Variants in ALCAM observed in about 807,000 individuals in gnomAD.
ALCAM encodes the protein activated leukocyte cell adhesion molecule.
ALCAM carries 30 observed loss-of-function variants against 70.9 expected under a neutral mutation model. The observed-to-expected ratio is 0.42, with a 90% confidence interval of 0.32 to 0.57. The LOEUF (loss-of-function observed/expected upper bound fraction) is 0.57, where lower values mean the gene tolerates loss of function less well. ALCAM is among the 20% of genes least tolerant of loss of function. ALCAM has a pLI of 0.11. For synonymous variants in ALCAM, 249 were observed against 242.5 expected (o/e 1.03, Z -0.25); for missense variants, 591 against 695.1 (o/e 0.85, Z 1.68).
intron 1 of ALCAM, among the ~76,000 whole-genome samples, chr3:105,443,048 A>G (rs951061748): frequency 6.6e-6 from 1 of 152,074 alleles, no homozygotes; most frequent in African/African-American, 2.4e-5. Context: ...CTAGTCTCAA[A>G]CTGCTACCCT....
chr3:105,490,284 C>G (rs1039177678), intron 1 of ALCAM, among the ~76,000 whole-genome samples: 2 of 152,148 alleles, frequency 1.3e-5, no homozygotes, highest in Non-Finnish European at 2.9e-5. Flanking sequence ...TCAGTTGATG[C>G]CTTGTACTAG....
chr3:105,482,410 C>G (rs1938299165), intron 1 of ALCAM, among the ~76,000 whole-genome samples: 2 of 152,062 alleles, frequency 1.3e-5, no homozygotes, highest in African/African-American at 4.8e-5. Flanking sequence ...ATTCCTGGCC[C>G]TTAATTCATA....
At chr3:105,535,899 G>T (rs1284660044) in intron 6 of ALCAM, among the ~76,000 whole-genome samples, 2 of 151,858 alleles carry the variant, frequency 1.3e-5, no homozygotes, top group African/African-American at 4.8e-5. Flanking sequence ...TCTTTTTTTG[G>T]TTCCCTAGGG....
chr3:105,403,135 C>T (rs1171452267), intron 1 of ALCAM, among the ~76,000 whole-genome samples: 5 of 151,818 alleles, frequency 3.3e-5, no homozygotes, highest in South Asian at 4.2e-4. Flanking sequence ...TCAGTAGAGA[C>T]GGGGTTTCCC....
At chr3:105,534,960 C>G in intron 6 of ALCAM, 115 bp downstream of exon 6, 1 of 1,011,258 alleles carries the variant, frequency 9.9e-7, no homozygotes, top group Admixed American at 2.9e-5. Flanking sequence ...CCAGTCTGCA[C>G]CCCAAATTGA....
intron 1 of ALCAM, among the ~76,000 whole-genome samples, chr3:105,481,295 A>G (rs1938264626): frequency 6.6e-6 from 1 of 152,138 alleles, no homozygotes; most frequent in Non-Finnish European, 1.5e-5. Context: ...ACTATAGACT[A>G]TAATCAACTT....
chr3:105,371,407 G>A (rs1455931156), intron 1 of ALCAM, among the ~76,000 whole-genome samples: 4 of 152,010 alleles, frequency 2.6e-5, no homozygotes, highest in Middle Eastern at 3.4e-3. Flanking sequence ...TAAGTAAAAC[G>A]TGCTATATTA....
chr3:105,395,505 T>C (rs1420403552), intron 1 of ALCAM, among the ~76,000 whole-genome samples: 1 of 152,054 alleles, frequency 6.6e-6, no homozygotes, highest in Non-Finnish European at 1.5e-5. Flanking sequence ...GTGATTCTTT[T>C]ACATCAGCTC....
intron 1 of ALCAM, among the ~76,000 whole-genome samples, chr3:105,443,149 G>A (rs924861577): frequency 1.1e-4 from 16 of 152,130 alleles, no homozygotes; most frequent in African/African-American, 3.9e-4. Context: ...TATTTTGGGT[G>A]CACCCTTTAT....
intron 1 of ALCAM, among the ~76,000 whole-genome samples, chr3:105,432,925 C>T (rs1936969374): frequency 1.3e-5 from 2 of 152,080 alleles, no homozygotes; most frequent in African/African-American, 4.8e-5. Context: ...CATATATTAA[C>T]CAGCTTCATA....
chr3:105,428,409 A>G (rs1349965119), intron 1 of ALCAM, among the ~76,000 whole-genome samples: 3 of 151,968 alleles, frequency 2.0e-5, no homozygotes, highest in Admixed American at 1.3e-4. Context: ...CATCTTTCTA[A>G]TATATCATAA....
intron 1 of ALCAM, among the ~76,000 whole-genome samples, chr3:105,506,496 A>G (rs2200473): frequency 0.13 from 19,851 of 152,264 alleles, 1,357 homozygotes; most frequent in Middle Eastern, 0.17. Context: ...ATTCATAACA[A>G]AATGAGATTC....
chr3:105,526,552 G>T (rs1177779131), intron 3 of ALCAM, among the ~76,000 whole-genome samples: 1 of 152,086 alleles, frequency 6.6e-6, no homozygotes, highest in African/African-American at 2.4e-5. Flanking sequence ...TGCATTCCAG[G>T]CTGTGGGCCA....
At chr3:105,476,870 A>C (rs527630409) in intron 1 of ALCAM, among the ~76,000 whole-genome samples, 2 of 152,124 alleles carry the variant, frequency 1.3e-5, no homozygotes, top group South Asian at 4.2e-4. Context: ...TATCTCCCAG[A>C]ATTTCCATGT....
At chr3:105,454,142 T>A (rs894075934) in intron 1 of ALCAM, among the ~76,000 whole-genome samples, 4 of 152,246 alleles carry the variant, frequency 2.6e-5, no homozygotes, top group Admixed American at 6.5e-5. Context: ...TTATAATTTT[T>A]AAAAATATAA....
chr3:105,545,408 G>A, intron 9 of ALCAM, 73 bp downstream of exon 9: 1 of 1,006,654 alleles, frequency 9.9e-7, no homozygotes, highest in Non-Finnish European at 1.6e-6. Flanking sequence ...ACTTTATATT[G>A]TATTCAAGTA....
At chr3:105,513,924 T>G (rs1939309940) in intron 1 of ALCAM, among the ~76,000 whole-genome samples, 1 of 151,950 alleles carries the variant, frequency 6.6e-6, no homozygotes, top group South Asian at 2.1e-4. Context: ...ATTGTTATAA[T>G]AAAAATTGAG....
At chr3:105,466,439 A>G (rs1425563408) in intron 1 of ALCAM, among the ~76,000 whole-genome samples, 1 of 151,502 alleles carries the variant, frequency 6.6e-6, no homozygotes, top group Non-Finnish European at 1.5e-5. Context: ...AAAGCTGCAT[A>G]TGTTCAGAAG....
intron 1 of ALCAM, among the ~76,000 whole-genome samples, chr3:105,390,855 CT>C (rs1935800153): frequency 6.6e-6 from 1 of 151,972 alleles, no homozygotes; most frequent in South Asian, 2.1e-4. Flanking sequence ...ATAAGGAATC[CT>C]TTCCTCATTG....
Sources: gnomAD v4.1 joint callset for allele counts (sites outside exome capture counted in the v4.1 genomes callset) on GRCh38, gnomAD v4.1.1 for gene constraint, MANE v1.5 for transcripts, NCBI Gene and HGNC (gene_info 2026-07-23, HGNC 2026-07-21) for gene names.